The following RGS6 variants were observed in gnomAD, a reference collection of about 807,000 sequenced individuals.
RGS6 encodes regulator of G-protein signaling 6.
In RGS6, 30 loss-of-function variants were observed where a neutral mutation model predicts 78.5. That is an observed-to-expected ratio of 0.38 (90% CI 0.29 to 0.52). The LOEUF (loss-of-function observed/expected upper bound fraction) is 0.52, where lower values mean the gene tolerates loss of function less well. Among genes scored for constraint, RGS6 ranks in the 20% least tolerant of loss-of-function variants. The pLI is 0.85. For synonymous variants in RGS6, 206 were observed against 206.0 expected (o/e 1.00, Z 0.00); for missense variants, 495 against 609.7 (o/e 0.81, Z 1.98).
At chr14:72,470,599 T>C (rs2096048851) in intron 8 of RGS6, among the ~76,000 whole-genome samples, 1 of 152,070 alleles carries the variant, frequency 6.6e-6, no homozygotes, top group Admixed American at 6.6e-5. Flanking sequence ...AGAGTAAGGC[T>C]GGGCATGGTG....
At chr14:72,626,829 A>G in the RGS6 span, among the ~76,000 whole-genome samples, 8 of 152,078 alleles carry the variant, frequency 5.3e-5, no homozygotes, top group Admixed American at 1.3e-4. Flanking sequence ...CCATAGCTTC[A>G]TCAACAGGAT....
intron 15 of RGS6, among the ~76,000 whole-genome samples, chr14:72,520,536 G>C (rs763059598): frequency 6.6e-6 from 1 of 152,136 alleles, no homozygotes; most frequent in Non-Finnish European, 1.5e-5. Flanking sequence ...AAACAACAAC[G>C]TACTAATTTT....
chr14:71,870,755 G>A, the RGS6 span, among the ~76,000 whole-genome samples: 1 of 152,216 alleles, frequency 6.6e-6, no homozygotes, highest in Admixed American at 6.5e-5. Context: ...ATGACAACCA[G>A]GTGCATAGGG....
At chr14:72,489,725 A>AAAGGAGAGGCAAGGCGAGGTGAGAC (rs2096551599) in intron 12 of RGS6, among the ~76,000 whole-genome samples, 4 of 151,110 alleles carry the variant, frequency 2.6e-5, no homozygotes, top group Admixed American at 1.3e-4. Context: ...AAAGGAAAGG[A>AAAGGAGAGGCAAGGCGAGGTGAGAC]GAGGCAAGGC....
At chr14:72,536,538 C>T (rs902288701) in intron 16 of RGS6, among the ~76,000 whole-genome samples, 76 of 152,008 alleles carry the variant, frequency 5.0e-4, no homozygotes, top group African/African-American at 1.6e-3. Flanking sequence ...GGGGTGGGTA[C>T]GTAGGGTGAC....
intron 3 of RGS6, among the ~76,000 whole-genome samples, chr14:72,407,314 C>T (rs983200172): frequency 2.0e-5 from 3 of 152,142 alleles, no homozygotes; most frequent in East Asian, 3.9e-4. Context: ...GTAGGCTTGT[C>T]GTTTGGAGAA....
intron 3 of RGS6, among the ~76,000 whole-genome samples, chr14:72,441,024 G>A (rs1316959278): frequency 3.9e-5 from 6 of 152,160 alleles, no homozygotes; most frequent in Non-Finnish European, 8.8e-5. Context: ...GCCTGCATGC[G>A]AGTTGGGTGT....
intron 2 of RGS6, among the ~76,000 whole-genome samples, chr14:72,197,156 C>A (rs2040367419): frequency 6.6e-6 from 1 of 152,200 alleles, no homozygotes; most frequent in Non-Finnish European, 1.5e-5. Context: ...ACCTCTGTCT[C>A]CTGGGTTCAA....
chr14:71,955,394 G>GA (rs1387934641), intron 1 of RGS6, among the ~76,000 whole-genome samples: 2 of 152,192 alleles, frequency 1.3e-5, no homozygotes, highest in Non-Finnish European at 2.9e-5. Flanking sequence ...TCTCACGCAA[G>GA]AAATAATTCG....
At chr14:72,540,641 T>C in intron 17 of RGS6, 2 of 1,424,024 alleles carry the variant, frequency 1.4e-6, no homozygotes, top group Middle Eastern at 3.8e-4. Context: ...CTAGCTGGCG[T>C]GTGTGTTAGT....
chr14:71,884,293 C>G, the RGS6 span, among the ~76,000 whole-genome samples: 1 of 152,140 alleles, frequency 6.6e-6, no homozygotes, highest in Non-Finnish European at 1.5e-5. Flanking sequence ...GGTCTCTGCC[C>G]TTAAGGAGCT....
chr14:72,331,065 ATG>A (rs1273028406), intron 2 of RGS6, among the ~76,000 whole-genome samples: 2 of 152,090 alleles, frequency 1.3e-5, no homozygotes, highest in Admixed American at 1.3e-4. Context: ...CTGTAGAGGG[ATG>A]TGACTAAGGC....
chr14:72,043,099 G>A (rs565136192), intron 2 of RGS6, among the ~76,000 whole-genome samples: 12 of 151,962 alleles, frequency 7.9e-5, no homozygotes, highest in Non-Finnish European at 1.5e-4. Flanking sequence ...TTGTGATATT[G>A]GAAATGTCCC....
the RGS6 span, among the ~76,000 whole-genome samples, chr14:71,877,975 A>G: frequency 1.3e-5 from 2 of 152,174 alleles, no homozygotes; most frequent in African/African-American, 4.8e-5. Flanking sequence ...CCTGGGTATC[A>G]CCAGCAGAGG....
intron 2 of RGS6, among the ~76,000 whole-genome samples, chr14:72,053,011 T>C (rs1266534481): frequency 1.0e-5 from 1 of 96,512 alleles, no homozygotes; most frequent in Non-Finnish European, 2.2e-5. Flanking sequence ...CTCTCTTTCT[T>C]TCCTTCTTTC....
chr14:71,902,138 C>T, the RGS6 span, among the ~76,000 whole-genome samples: 2 of 152,282 alleles, frequency 1.3e-5, no homozygotes, highest in East Asian at 3.9e-4. Context: ...AACCAACCTG[C>T]TTCAGAACTC....
intron 12 of RGS6, among the ~76,000 whole-genome samples, chr14:72,489,981 C>T (rs568598787): frequency 3.3e-4 from 50 of 152,330 alleles, no homozygotes; most frequent in African/African-American, 1.2e-3. Context: ...CTTCCAGGTG[C>T]AGCACCAACT....
intron 2 of RGS6, among the ~76,000 whole-genome samples, chr14:72,203,126 C>T (rs186394290): frequency 0.011 from 1,643 of 152,210 alleles, 29 homozygotes; most frequent in African/African-American, 0.037. Context: ...CTGCCCGCCT[C>T]GGCCTCCCAA....
At chr14:72,246,428 C>A (rs917936880) in intron 2 of RGS6, among the ~76,000 whole-genome samples, 6 of 152,286 alleles carry the variant, frequency 3.9e-5, no homozygotes, top group Non-Finnish European at 5.9e-5. Flanking sequence ...GGACGTGTTT[C>A]TTTTATGCTC....
Sources: allele counts gnomAD v4.1 joint callset (sites outside exome capture counted in the v4.1 genomes callset), GRCh38; gene constraint gnomAD v4.1.1; transcripts MANE v1.5; gene names NCBI Gene and HGNC (gene_info 2026-07-23, HGNC 2026-07-21).